Variants in FREM2 observed in about 807,000 individuals in gnomAD.
FREM2 encodes FRAS1-related extracellular matrix protein 2.
In FREM2, 119 loss-of-function variants were observed where a neutral mutation model predicts 219.9. The ratio of observed to expected loss-of-function variants is 0.54; its 90% CI spans 0.47 to 0.63. FREM2 has a LOEUF of 0.63. Among genes scored for constraint, FREM2 ranks in the 30% least tolerant of loss-of-function variants. FREM2 has a pLI of 0.00. For missense variants in FREM2, 4,030 were observed against 3,993.6 expected (o/e 1.01, Z -0.25); for synonymous variants, 1,562 against 1,522.8 (o/e 1.03, Z -0.60).
In FREM2 at chr13:38,878,208, A is replaced by G; in HGVS notation, c.8746A>G (p.Lys2916Glu). ...LGDSFYCSIE[K>E]VFLCTGADGY... ...TGACTCCTTTTACTGCAGCATTGAGAAGGTGTTTCTATGCACTGGAGCTGA... is the reference window on the plus strand; with the variant it reads ...TGACTCCTTTTACTGCAGCATTGAGGAGGTGTTTCTATGCACTGGAGCTGA... Residue 2916 changes from lysine (K) to glutamate (E), a missense_variant, in exon 22 of 24, where the codon AAG (lysine) becomes GAG (glutamate). Physicochemically the swap from Lys to Glu is moderately conservative, Grantham distance 56 (BLOSUM62 1). Around this residue, in one of 2 missense-constraint regions of FREM2, gnomAD observed 928 missense variants for 1,042.9 expected, o/e 0.89. Transcript: ENST00000280481. 6.2e-7 allele frequency: 1 copy of G among 1,613,720 alleles called. No individual in the cohort carries two copies. Among genetic ancestry groups the G allele is most frequent in the Non-Finnish European group, 8.5e-7 (1 of 1,179,766 alleles).
At position 38,754,900 on chromosome 13, in the gene FREM2, TG is replaced by T. The variant is rs1352463753; in HGVS notation, c.5264-9403del. ...ATGATGATGATGATGATGATGATGA[TG>T]ATTATTATTATTATTATTAGAGATG... is the stretch of plus-strand genomic sequence containing the variant. On this transcript the variant is annotated intron_variant, in intron 2 of 23. Coordinates refer to ENST00000280481, the MANE Select transcript of FREM2 (RefSeq NM_207361.6). 4.9e-4 allele frequency among the ~76,000 whole-genome samples: 71 copies of T among 145,868 alleles called. No homozygotes were observed. The East Asian group carries it at 6.3e-3, about 13-fold the overall frequency.
At chr13:38,856,378 T>G (rs1877561926) in intron 12 of FREM2, 122 bp downstream of exon 12, 1 of 858,596 alleles carries the variant, frequency 1.2e-6, no homozygotes, top group African/African-American at 1.7e-5. Flanking sequence ...GTGAAAGAGA[T>G]ATGCATAATC....
At chr13:38,728,859 G>T (rs959357784) in intron 2 of FREM2, among the ~76,000 whole-genome samples, 11 of 151,550 alleles carry the variant, frequency 7.3e-5, no homozygotes, top group African/African-American at 2.7e-4. Context: ...TTTTGAGATG[G>T]AGTTTCGCTC....
chr13:38,773,259 A>G (rs935118488), intron 4 of FREM2, among the ~76,000 whole-genome samples: 4 of 151,360 alleles, frequency 2.6e-5, no homozygotes, highest in African/African-American at 4.9e-5. Flanking sequence ...GTAATACCTC[A>G]CCCCCTGCCC....
In FREM2 at chr13:38,784,646, G is replaced by C; in HGVS notation, c.5857G>C (p.Asp1953His). The change falls in exon 6 of 24, where the codon GAC becomes CAC. Residue 1953 changes from aspartate (D) to histidine (H), a missense_variant. Asp to His is a moderately conservative substitution (Grantham distance 81). Coordinates refer to ENST00000280481, the MANE Select transcript of FREM2 (RefSeq NM_207361.6). ...PEDHTSVVRF[D>H]KDEREKLCRI... The stretch of plus-strand genomic sequence containing the variant: ...GGACCACACCAGTGTTGTCCGCTTT[G>C]ACAAAGATGAACGGGAGAAACTGTG... 1 of 1,614,154 alleles carries C rather than the reference G, an allele frequency of 6.2e-7. No individual in the cohort carries two copies. The highest frequency in any genetic ancestry group is 8.5e-7 in the Non-Finnish European group (1 of 1,180,012).
intron 6 of FREM2, among the ~76,000 whole-genome samples, chr13:38,840,614 G>A (rs1289611257): frequency 1.6e-5 from 2 of 124,814 alleles, no homozygotes; most frequent in Non-Finnish European, 3.1e-5. Flanking sequence ...TAACCTGGGG[G>A]ATAAAACTAA....
intron 6 of FREM2, among the ~76,000 whole-genome samples, chr13:38,834,218 C>T (rs145401384): frequency 0.015 from 2,242 of 151,464 alleles, 64 homozygotes; most frequent in African/African-American, 0.051. Context: ...CCTCCCTGTG[C>T]CCATGTGTTC....
chr13:38,716,370 C>T (rs534803112), intron 2 of FREM2, among the ~76,000 whole-genome samples: 2 of 152,314 alleles, frequency 1.3e-5, no homozygotes, highest in African/African-American at 4.8e-5. Flanking sequence ...TCCCACACCC[C>T]AGAACCTTAC....
intron 16 of FREM2, among the ~76,000 whole-genome samples, chr13:38,866,551 C>T (rs960466801): frequency 6.6e-6 from 1 of 151,650 alleles, no homozygotes; most frequent in East Asian, 1.9e-4. Context: ...GCCTGTAATC[C>T]CAGCTACTCA....
rs191354588 is a variant in FREM2 at position 38,714,883 on chromosome 13, C to T, written c.5263+17096C>T. Among the ~76,000 whole-genome samples the T allele has an allele frequency of 4.0e-3, 612 of 151,622 alleles. 4 individuals are homozygous for T. The highest frequency in any genetic ancestry group is 0.014 in the African/African-American group (587 of 41,310). On this transcript the variant is annotated intron_variant, in intron 2 of 23. Coordinates refer to ENST00000280481, the MANE Select transcript of FREM2 (RefSeq NM_207361.6). ...GGCAGATCACCTGAGGTCAGGAGTT[C>T]GAGACCAGCCTGGCCAACATGGAGA...
chr13:38,861,378 G>A, intron 14 of FREM2, 53 bp from the exon 15 acceptor site: 1 of 1,572,132 alleles, frequency 6.4e-7, no homozygotes, highest in Non-Finnish European at 8.7e-7. Flanking sequence ...ACATTCTTTA[G>A]GTATTATTGA....
At chr13:38,795,623 A>G (rs1778469058) in intron 6 of FREM2, among the ~76,000 whole-genome samples, 1 of 152,126 alleles carries the variant, frequency 6.6e-6, no homozygotes, top group South Asian at 2.1e-4. Context: ...CTACTTTGAA[A>G]TATACAATAC....
chr13:38,748,228 G>T (rs1872567219), intron 2 of FREM2, among the ~76,000 whole-genome samples: 1 of 152,194 alleles, frequency 6.6e-6, no homozygotes, highest in Admixed American at 6.5e-5. Flanking sequence ...CCAGTAGTCA[G>T]TTGTGTTTAC....
intron 6 of FREM2, among the ~76,000 whole-genome samples, chr13:38,802,077 A>G (rs1875033813): frequency 6.6e-6 from 1 of 152,138 alleles, no homozygotes; most frequent in Admixed American, 6.5e-5. Context: ...TGGATGGTGT[A>G]TTCAAACACT....
chr13:38,757,785 T>C (rs539471233), intron 2 of FREM2, among the ~76,000 whole-genome samples: 1 of 152,034 alleles, frequency 6.6e-6, no homozygotes, highest in East Asian at 1.9e-4. Context: ...GAGACGGGGT[T>C]TCACCATGCT....
chr13:38,856,970 AAAT>A (rs1877586372), intron 12 of FREM2, among the ~76,000 whole-genome samples: 1 of 152,014 alleles, frequency 6.6e-6, no homozygotes, highest in Non-Finnish European at 1.5e-5. Context: ...GTTTTTCCTT[AAAT>A]ATTTTTATCA....
intron 2 of FREM2, among the ~76,000 whole-genome samples, chr13:38,700,425 T>C (rs540347571): frequency 1.3e-5 from 2 of 152,240 alleles, no homozygotes; most frequent in South Asian, 4.1e-4. Context: ...TCAGGGTCTT[T>C]ACCTCAGGGG....
chr13:38,764,684 G>A (rs1452790189), intron 3 of FREM2, among the ~76,000 whole-genome samples: 1 of 152,086 alleles, frequency 6.6e-6, no homozygotes, highest in African/African-American at 2.4e-5. Flanking sequence ...ACACTAATAA[G>A]TTACGAAACA....
intron 2 of FREM2, among the ~76,000 whole-genome samples, chr13:38,715,238 T>C (rs917855857): frequency 3.3e-5 from 5 of 152,108 alleles, no homozygotes; most frequent in African/African-American, 1.2e-4. Flanking sequence ...ACCAATGCAA[T>C]AGAAGGAAAA....
Sources: gnomAD v4.1 joint callset for allele counts (sites outside exome capture counted in the v4.1 genomes callset) on GRCh38, gnomAD v4.1.1 for gene constraint, gnomAD v4.1.1 regional missense constraint, MANE v1.5 for transcripts, NCBI Gene and HGNC (gene_info 2026-07-23, HGNC 2026-07-21) for gene names.